The following TNRC6C variants were observed in gnomAD, a reference collection of about 807,000 sequenced individuals.
TNRC6C encodes trinucleotide repeat containing adaptor 6C, also known as trinucleotide repeat-containing gene 6C protein.
A neutral mutation model predicts 153.7 loss-of-function variants in TNRC6C; 20 were observed. The ratio of observed to expected loss-of-function variants is 0.13; its 90% CI spans 0.09 to 0.19. The LOEUF is 0.19. Ranked by LOEUF, TNRC6C falls within the 10% of genes least tolerant of loss-of-function variation. TNRC6C has a pLI of 1.00. For missense variants in TNRC6C, 1,987 were observed against 2,172.0 expected (o/e 0.91, Z 1.69); for synonymous variants, 811 against 841.4 (o/e 0.96, Z 0.63).
At chr17:77,988,844 T>G (rs1447236844) in intron 1 of TNRC6C, among the ~76,000 whole-genome samples, 1 of 152,176 alleles carries the variant, frequency 6.6e-6, no homozygotes, top group Non-Finnish European at 1.5e-5. Context: ...GTGTATAGAT[T>G]TAAAATGTAA....
chr17:78,072,630 C>G (rs2073018525), intron 6 of TNRC6C, among the ~76,000 whole-genome samples: 1 of 152,182 alleles, frequency 6.6e-6, no homozygotes, highest in Non-Finnish European at 1.5e-5. Context: ...CACCTGTAAT[C>G]CCAACACTTT....
Position 78,104,852 on chromosome 17 carries a change from C to A in TNRC6C, c.*7C>A. 1 of 1,418,404 alleles carries A rather than the reference C, an allele frequency of 7.1e-7. No individual in the cohort carries two copies. The highest frequency in any genetic ancestry group is 9.2e-7 in the Non-Finnish European group (1 of 1,090,148). The allele number at this position is 1,418,404 out of a possible 1,614,324, so 87.9% of individuals were successfully genotyped here. On this transcript the variant is annotated 3_prime_UTR_variant, in exon 20 of 20. Transcript: ENST00000301624. This position sits in a 1 kb window ranked among gnomAD's most constrained non-coding sequence, Gnocchi z 6.2. ...CAGCGGGGAGTCCCTGTAGGCTCTG[C>A]CATCATCAGCACCAGGAGAGCCGAC...
At position 78,050,288 on chromosome 17, in the gene TNRC6C, G is replaced by T. The variant is rs932194812; in HGVS notation, c.1226G>T (p.Gly409Val). The T allele has an allele frequency of 5.2e-6, 8 of 1,552,376 alleles. No homozygotes were observed. The African/African-American group carries it at 9.6e-5, about 19-fold the overall frequency. The change falls in exon 3 of 20, where the codon GGA (glycine) becomes GTA (valine). Residue 409 changes from glycine to valine, a missense_variant. By Grantham distance (109) the Gly-to-Val change is moderately radical (BLOSUM62 -3). This residue lies in a region of TNRC6C where 1,052 missense variants were observed against 1,017.0 expected (regional missense o/e 1.03). Transcript: ENST00000301624. ...GATGGTTCTGGCAACCACAATGAAG[G>T]AAGCACTGGGAGGGAAGGAACGGGA...
chr17:78,042,950 G>A (rs2072330300), intron 2 of TNRC6C, among the ~76,000 whole-genome samples: 1 of 152,172 alleles, frequency 6.6e-6, no homozygotes, highest in South Asian at 2.1e-4. Flanking sequence ...GGTTTTGTAT[G>A]TATAATTTTC....
intron 17 of TNRC6C, among the ~76,000 whole-genome samples, chr17:78,101,545 A>C (rs1473501320): frequency 6.6e-6 from 1 of 152,120 alleles, no homozygotes; most frequent in Non-Finnish European, 1.5e-5. Flanking sequence ...AGACACACAC[A>C]CAGAAATAGA....
intron 16 of TNRC6C, among the ~76,000 whole-genome samples, chr17:78,095,733 T>C (rs779370107): frequency 6.6e-6 from 1 of 152,130 alleles, no homozygotes; most frequent in Non-Finnish European, 1.5e-5. Context: ...TCTCTTCACG[T>C]AGAAATTGCT....
chr17:77,965,460 A>G (rs571129696), intron 1 of TNRC6C, among the ~76,000 whole-genome samples: 254 of 152,350 alleles, frequency 1.7e-3, no homozygotes, highest in Non-Finnish European at 2.4e-3. Flanking sequence ...TTTGCCCCAA[A>G]TCAGAGCCTT....
chr17:78,067,052 A>G (rs2072894457), intron 4 of TNRC6C: 1 of 152,198 alleles, frequency 6.6e-6, no homozygotes, highest in African/African-American at 2.4e-5. Flanking sequence ...TCCCATATAC[A>G]AATTTTCCTG....
intron 1 of TNRC6C, among the ~76,000 whole-genome samples, chr17:77,965,811 T>A (rs1052986321): frequency 5.3e-5 from 8 of 152,250 alleles, no homozygotes; most frequent in African/African-American, 1.4e-4. Context: ...AGGACGCATG[T>A]CAAAATTTTG....
chr17:78,064,608 C>T, intron 3 of TNRC6C, 114 bp from the exon 6 acceptor site: 2 of 983,850 alleles, frequency 2.0e-6, no homozygotes, highest in Non-Finnish European at 3.0e-6. Context: ...CTACTAAAGG[C>T]TATTCTAAGG....
chr17:77,984,379 A>C (rs187089544), intron 1 of TNRC6C, among the ~76,000 whole-genome samples: 21 of 151,930 alleles, frequency 1.4e-4, no homozygotes, highest in African/African-American at 4.8e-4. Flanking sequence ...CAAAAAAAAA[A>C]ACAGCCACGT....
chr17:78,093,170 TGCTCCAA>T, intron 15 of TNRC6C, 46 bp downstream of exon 17: 1 of 1,588,262 alleles, frequency 6.3e-7, no homozygotes, highest in Non-Finnish European at 8.6e-7. Context: ...GGTCAGAATG[TGCTCCAA>T]GCCTGCAGAG....
At chr17:78,106,560 A>G (rs2144697128) in exon 20 of TNRC6C, 1 of 151,774 alleles carries the variant, frequency 6.6e-6, no homozygotes, top group East Asian at 1.9e-4. Flanking sequence ...AAAAATGAAA[A>G]AAAAGAAAAA....
intron 2 of TNRC6C, among the ~76,000 whole-genome samples, chr17:78,040,780 G>T (rs17552589): frequency 0.015 from 2,212 of 152,306 alleles, 34 homozygotes; most frequent in Non-Finnish European, 0.022. Context: ...AGGAAGATCG[G>T]TTTAGTGTCA....
chr17:77,993,181 C>T (rs1201791132), intron 1 of TNRC6C, among the ~76,000 whole-genome samples: 1 of 152,062 alleles, frequency 6.6e-6, no homozygotes, highest in South Asian at 2.1e-4. Context: ...AGGCTGGTCT[C>T]GAATTCCTGA....
exon 19 of TNRC6C, chr17:78,103,415 T>C (rs1333714912): frequency 6.2e-7 from 1 of 1,613,914 alleles, no homozygotes; most frequent in Non-Finnish European, 8.5e-7. Context: ...CTCTATCAGA[T>C]TGATGGTTCT....
intron 2 of TNRC6C, among the ~76,000 whole-genome samples, chr17:78,038,103 A>G (rs932897365): frequency 1.3e-5 from 2 of 152,250 alleles, no homozygotes; most frequent in African/African-American, 2.4e-5. Context: ...AGATGACGTA[A>G]GAGAGTATTT....
chr17:78,104,700 G>T lies in TNRC6C; in HGVS notation c.4928G>T (p.Ser1643Ile). Reference sequence around the variant, plus strand: ...GCCCCGTGCCTGGGTGGCAAGGGGAGCAGTGAGCTGCTGTGGGGCGGGGTG... The same window carrying T: ...GCCCCGTGCCTGGGTGGCAAGGGGATCAGTGAGCTGCTGTGGGGCGGGGTG... Residue 1643 changes from serine (S) to isoleucine (I), a missense_variant, in exon 20 of 20, where the codon AGC becomes ATC. By Grantham distance (142) the Ser-to-Ile change is moderately radical. This residue lies in a region of TNRC6C where 139 missense variants were observed against 148.5 expected (regional missense o/e 0.94). Coordinates refer to ENST00000301624, the Ensembl canonical transcript of TNRC6C. This position sits in a 1 kb window ranked among gnomAD's most constrained non-coding sequence, Gnocchi z 6.2. 6.5e-7 allele frequency: 1 copy of T among 1,539,986 alleles called. No individual in the cohort carries two copies.
intron 1 of TNRC6C, among the ~76,000 whole-genome samples, chr17:78,029,624 T>A (rs967274454): frequency 2.6e-5 from 4 of 152,188 alleles, no homozygotes; most frequent in Non-Finnish European, 4.4e-5. Flanking sequence ...CTTAAAAAAA[T>A]TTTTTTTCAG....
Sources: allele counts gnomAD v4.1 joint callset (sites outside exome capture counted in the v4.1 genomes callset), GRCh38; gene constraint gnomAD v4.1.1; regional missense constraint gnomAD v4.1.1; non-coding constraint Gnocchi (gnomAD v3.1); transcripts MANE v1.5; gene names NCBI Gene and HGNC (gene_info 2026-07-23, HGNC 2026-07-21).